SPAG1: variants seen among roughly 807,000 people sequenced by gnomAD.
The protein encoded by SPAG1 is sperm-associated antigen 1.
A neutral mutation model predicts 100.5 loss-of-function variants in SPAG1; 69 were observed. The ratio of observed to expected loss-of-function variants is 0.69; its 90% CI spans 0.57 to 0.84. SPAG1 has a LOEUF of 0.84. Ranked by LOEUF, SPAG1 falls within the 40% of genes least tolerant of loss-of-function variation. The pLI is 0.00. For synonymous variants in SPAG1, 336 were observed against 411.6 expected, an observed-to-expected ratio of 0.82 and a Z score of 2.22; for missense variants, 955 against 1,133.1, an observed-to-expected ratio of 0.84 and a Z score of 2.26.
chr8:100,214,872 C>T (rs577080810), intron 12 of SPAG1, among the ~76,000 whole-genome samples: 1 of 151,140 alleles, frequency 6.6e-6, no homozygotes, highest in East Asian at 1.9e-4. Context: ...CTCAGCTACT[C>T]GGGAGGCTGA....
intron 16 of SPAG1, among the ~76,000 whole-genome samples, chr8:100,238,368 G>A (rs1036370186): frequency 6.6e-6 from 1 of 152,172 alleles, no homozygotes; most frequent in Non-Finnish European, 1.5e-5. Context: ...CTAGGCCCCC[G>A]GGAATGTCAC....
intron 9 of SPAG1, among the ~76,000 whole-genome samples, chr8:100,192,107 C>T (rs943788752): frequency 3.9e-5 from 6 of 152,154 alleles, no homozygotes; most frequent in African/African-American, 1.4e-4. Flanking sequence ...ACAGGGGTGA[C>T]ATAGAGTGGC....
At chr8:100,202,912 G>T (rs1817350062) in intron 10 of SPAG1, among the ~76,000 whole-genome samples, 1 of 151,946 alleles carries the variant, frequency 6.6e-6, no homozygotes, top group Non-Finnish European at 1.5e-5. Flanking sequence ...TGTAATACTA[G>T]CACTTTGGGA....
chr8:100,189,537 C>A (rs569511567), intron 8 of SPAG1, among the ~76,000 whole-genome samples: 124 of 152,110 alleles, frequency 8.2e-4, no homozygotes, highest in Non-Finnish European at 1.5e-3. Flanking sequence ...CACCTGTAGT[C>A]CCAGCTACTT....
At chr8:100,189,279 C>A (rs1047079588) in intron 8 of SPAG1, among the ~76,000 whole-genome samples, 3 of 151,562 alleles carry the variant, frequency 2.0e-5, no homozygotes, top group African/African-American at 7.3e-5. Context: ...AGTTCGAGAC[C>A]AGCCTGGCCA....
intron 10 of SPAG1, among the ~76,000 whole-genome samples, chr8:100,209,935 T>C (rs973808388): frequency 2.0e-5 from 3 of 152,028 alleles, no homozygotes; most frequent in Non-Finnish European, 2.9e-5. Context: ...TAGGATCATA[T>C]AATTATGAAT....
Position 100,187,158 on chromosome 8 carries a change from A to G in SPAG1, c.740A>G (p.Asn247Ser), listed in dbSNP as rs749116480. ...CTTCCCACTGTAGTTGCCTATAACA[A>G]TCGAGCTCAAGCAGAAATCAAATTA... ...SALPTVVAYN[N>S]RAQAEIKLQN... is the part of the protein sequence containing the mutation. The change falls in exon 8 of 19, where the codon AAT (asparagine) becomes AGT (serine). Residue 247 changes from asparagine to serine, a missense_variant. Coordinates refer to ENST00000388798, the MANE Select transcript of SPAG1 (RefSeq NM_003114.5). 1.2e-5 allele frequency: 19 copies of G among 1,613,060 alleles called. No homozygotes were observed. Among genetic ancestry groups the G allele is most frequent in the African/African-American group, 5.3e-5 (4 of 74,864 alleles).
At chr8:100,198,051 A>C (rs192815676) in intron 10 of SPAG1, among the ~76,000 whole-genome samples, 1 of 152,326 alleles carries the variant, frequency 6.6e-6, no homozygotes, top group Admixed American at 6.5e-5. Context: ...GTAGCTGTCA[A>C]AGAGTTTGGT....
At chr8:100,171,421 A>G (rs1401717343) in intron 3 of SPAG1, among the ~76,000 whole-genome samples, 2 of 152,026 alleles carry the variant, frequency 1.3e-5, no homozygotes, top group Admixed American at 1.3e-4. Context: ...GATTGGTATT[A>G]TTTCTTTCTT....
chr8:100,198,710 A>G (rs1817138089), intron 10 of SPAG1, among the ~76,000 whole-genome samples: 1 of 152,204 alleles, frequency 6.6e-6, no homozygotes, highest in Non-Finnish European at 1.5e-5. Context: ...AAGTTGTACA[A>G]CTATCACCAC....
chr8:100,193,829 T>C (rs538927721), intron 9 of SPAG1, among the ~76,000 whole-genome samples: 196 of 152,336 alleles, frequency 1.3e-3, no homozygotes, highest in African/African-American at 4.4e-3. Context: ...TATATATGCA[T>C]AGAAACATCT....
At chr8:100,190,692 T>C (rs915849355) in intron 8 of SPAG1, among the ~76,000 whole-genome samples, 8 of 128,824 alleles carry the variant, frequency 6.2e-5, no homozygotes, top group African/African-American at 2.4e-4. Context: ...GGAGACAGAG[T>C]CTTGCTCTGT....
rs1309121322 is a variant in SPAG1 at position 100,241,838 on chromosome 8, T to C, written c.*816T>C. On this transcript the variant is annotated 3_prime_UTR_variant, in exon 19 of 19. Coordinates refer to ENST00000388798, the MANE Select transcript of SPAG1 (RefSeq NM_003114.5). The surrounding 1 kb of genome is among the most constrained non-coding windows in gnomAD (Gnocchi z 5.1). ...TTTATTCCTTTACTGTAAAAGAATA[T>C]GAAGAACTCATACATGTTGAAAGCT... 1 of 152,186 alleles carries C rather than the reference T, an allele frequency of 6.6e-6. No individual in the cohort carries two copies. Among genetic ancestry groups the C allele is most frequent in the African/African-American group, 2.4e-5 (1 of 41,438 alleles). The allele number at this position is 152,186 out of a possible 1,614,324, so 9.4% of individuals were successfully genotyped here. A position where few individuals can be genotyped will look rare whatever the true frequency, so the allele number is the denominator to read the frequency against.
At chr8:100,194,332 A>G (rs1376128250) in intron 10 of SPAG1, 64 bp downstream of exon 10, 4 of 1,561,530 alleles carry the variant, frequency 2.6e-6, no homozygotes, top group Admixed American at 3.8e-5. Context: ...AGCTGGCTCA[A>G]TTTTTCTATT....
At chr8:100,193,217 C>A (rs1320461081) in intron 9 of SPAG1, among the ~76,000 whole-genome samples, 1 of 152,148 alleles carries the variant, frequency 6.6e-6, no homozygotes, top group East Asian at 1.9e-4. Flanking sequence ...CCAAGCACTT[C>A]AGGAGGCTGA....
chr8:100,172,634 A>ATGTGTGTG (rs60155004), intron 3 of SPAG1, among the ~76,000 whole-genome samples: 7,607 of 145,472 alleles, frequency 0.052, 210 homozygotes, highest in Admixed American at 0.064. Context: ...AAAGAAATAT[A>ATGTGTGTG]TGTGTGTGTG....
intron 9 of SPAG1, among the ~76,000 whole-genome samples, chr8:100,193,307 A>C (rs1164034796): frequency 2.6e-5 from 4 of 152,212 alleles, no homozygotes; most frequent in African/African-American, 9.6e-5. Flanking sequence ...AAAAAATTTA[A>C]AAAGTTAGCC....
rs745361081 is a variant in SPAG1 at position 100,240,488 on chromosome 8, G to A, written c.2366G>A (p.Ser789Asn). 1 of 1,614,152 alleles carries A rather than the reference G, an allele frequency of 6.2e-7. No individual in the cohort carries two copies. The highest frequency in any genetic ancestry group is 2.2e-5 in the East Asian group (1 of 44,878). The change falls in exon 18 of 19, where the codon AGC (serine) becomes AAC (asparagine). Residue 789 changes from serine to asparagine, a missense_variant. By Grantham distance (46) the Ser-to-Asn change is conservative. Transcript: ENST00000388798. ...GCTTCTGAGAAGGGAGGCAAAAGCAGCAGGTCACCAGAAGACCCTGAGAAA... is the reference window on the plus strand; with the variant it reads ...GCTTCTGAGAAGGGAGGCAAAAGCAACAGGTCACCAGAAGACCCTGAGAAA... The part of the protein sequence containing the change: ...CLASEKGGKS[S>N]RSPEDPEKLP...
chr8:100,183,487 C>A, intron 5 of SPAG1, 51 bp downstream of exon 5: 1 of 797,044 alleles, frequency 1.3e-6, no homozygotes. Context: ...AAGTTATCTA[C>A]CACAAAATAC....
Sources: gnomAD v4.1 joint callset for allele counts (sites outside exome capture counted in the v4.1 genomes callset) on GRCh38, gnomAD v4.1.1 for gene constraint, Gnocchi (gnomAD v3.1) non-coding constraint, MANE v1.5 for transcripts, NCBI Gene and HGNC (gene_info 2026-07-23, HGNC 2026-07-21) for gene names.